The following PRDM15 variants were observed in gnomAD, a reference collection of about 807,000 sequenced individuals.
PRDM15 encodes PR domain zinc finger protein 15.
Under a neutral mutation model 128.6 loss-of-function variants are expected in PRDM15, and 64 were observed. The ratio of observed to expected loss-of-function variants is 0.50; its 90% CI spans 0.41 to 0.61. The LOEUF (loss-of-function observed/expected upper bound fraction) is 0.61. Ranked by LOEUF, PRDM15 falls within the 20% of genes least tolerant of loss-of-function variation. PRDM15 has a pLI of 0.00. For synonymous variants in PRDM15, 615 were observed against 621.8 expected (o/e 0.99, Z 0.16); for missense variants, 1,242 against 1,569.1 (o/e 0.79, Z 3.52).
intron 16 of PRDM15, among the ~76,000 whole-genome samples, chr21:41,820,831 C>T (rs567274446): frequency 6.6e-6 from 1 of 152,330 alleles, no homozygotes; most frequent in African/African-American, 2.4e-5. Context: ...CGCTATTTTC[C>T]TGTAACATGG....
At position 41,859,286 on chromosome 21, in the gene PRDM15, A is replaced by C. The variant is rs1310019552; in HGVS notation, c.131+306T>G. 2 of 1,519,014 alleles carry C rather than the reference A, an allele frequency of 1.3e-6. No homozygotes were observed. The highest frequency in any genetic ancestry group is 2.7e-5 in the African/African-American group (2 of 73,220). The allele number at this position is 1,519,014 out of a possible 1,614,324, so 94.1% of individuals were successfully genotyped here. A position where few individuals can be genotyped will look rare whatever the true frequency, so the allele number is the denominator to read the frequency against. Reference sequence around the variant, plus strand: ...TCCAGCTTGGCTGCTGGTGCTCAGCACGTCAACCACCTTGGCAAGTCCACT... The same window carrying C: ...TCCAGCTTGGCTGCTGGTGCTCAGCCCGTCAACCACCTTGGCAAGTCCACT... On this transcript the variant is annotated intron_variant, in intron 3 of 23. Coordinates refer to ENST00000398548, the MANE Select transcript of PRDM15 (RefSeq NM_001040424.3). This position sits in a 1 kb window ranked among gnomAD's most constrained non-coding sequence, Gnocchi z 5.3.
intron 21 of PRDM15, among the ~76,000 whole-genome samples, chr21:41,805,814 CACCATT>C (rs139024050): frequency 0.32 from 47,535 of 148,232 alleles, 7,165 homozygotes; most frequent in Admixed American, 0.34. Context: ...CCACCTCCAT[CACCATT>C]ACCAACACCA....
chr21:41,820,994 G>A, intron 16 of PRDM15, 73 bp downstream of exon 16: 2 of 1,579,350 alleles, frequency 1.3e-6, no homozygotes, highest in Non-Finnish European at 1.7e-6. Context: ...GCTCCTTATA[G>A]CATGTGTCTC....
chr21:41,818,467 C>T (rs556888468), intron 18 of PRDM15, among the ~76,000 whole-genome samples: 136 of 141,722 alleles, frequency 9.6e-4, no homozygotes, highest in Non-Finnish European at 1.8e-3. Flanking sequence ...TTTTTAATAA[C>T]CACCCATGTG....
Position 41,832,049 on chromosome 21 carries a change from G to A in PRDM15, c.1366+3388C>T, listed in dbSNP as rs1955358097. Reference sequence around the variant, plus strand: ...GGATCCACACGACCGCATGGTATGTGTCCTTCACACACTGCGTCTGAGGCG... The same window carrying A: ...GGATCCACACGACCGCATGGTATGTATCCTTCACACACTGCGTCTGAGGCG... On this transcript the variant is annotated intron_variant, in intron 11 of 23. Coordinates refer to ENST00000398548, the MANE Select transcript of PRDM15 (RefSeq NM_001040424.3). This position sits in a 1 kb window ranked among gnomAD's most constrained non-coding sequence, Gnocchi z 4.2. Among the ~76,000 whole-genome samples, 1 of 152,192 alleles carries A rather than the reference G, an allele frequency of 6.6e-6. No homozygotes were observed. Among genetic ancestry groups the A allele is most frequent in the African/African-American group, 2.4e-5 (1 of 41,450 alleles).
At chr21:41,808,058 T>C (rs1200356290) in intron 21 of PRDM15, among the ~76,000 whole-genome samples, 3 of 152,214 alleles carry the variant, frequency 2.0e-5, no homozygotes, top group Non-Finnish European at 2.9e-5. Context: ...CACCCAGCTA[T>C]GTATATCAAA....
Position 41,836,532 on chromosome 21 carries a change from C to T in PRDM15, c.1119G>A (p.Gln373=). ...KQLGEHKRVY[Q]CNICSKIFQN... ...GGAAGATCTTGCTGCAGATATTGCACTGGTAAACCCGCTTGTGCTCCCCGA... is the reference window on the plus strand; with the variant it reads ...GGAAGATCTTGCTGCAGATATTGCATTGGTAAACCCGCTTGTGCTCCCCGA... The change falls in exon 9 of 24, where the codon CAG becomes CAA. Residue 373 remains glutamine, a synonymous_variant. Transcript: ENST00000398548. 1.2e-6 allele frequency: 2 copies of T among 1,612,908 alleles called. No homozygotes were observed. The highest frequency in any genetic ancestry group is 8.5e-7 in the Non-Finnish European group (1 of 1,179,986).
At position 41,821,342 on chromosome 21, in the gene PRDM15, T is replaced by C. The variant is rs2062255919; in HGVS notation, c.1897-112A>G. The stretch of plus-strand genomic sequence containing the variant: ...GCACCCGACACGCCCTGAGAGCCCA[T>C]GACTCATGCCAGGGTGGAAGGGACT... On this transcript the variant is annotated intron_variant, in intron 15 of 23. Transcript: ENST00000398548. This position sits in a 1 kb window ranked among gnomAD's most constrained non-coding sequence, Gnocchi z 5.4. The C allele has an allele frequency of 2.4e-6, 3 of 1,267,978 alleles. No homozygotes were observed. The highest frequency in any genetic ancestry group is 1.5e-5 in the African/African-American group (1 of 67,888). 78.5% of individuals were successfully genotyped at this position (1,267,978 alleles called of 1,614,324 possible).
intron 1 of PRDM15, chr21:41,867,327 C>A (rs752626951): frequency 9.3e-6 from 15 of 1,613,712 alleles, no homozygotes; most frequent in Middle Eastern, 3.3e-4. Context: ...TTCCCCAGGG[C>A]TGGGGGCAGA....
In PRDM15 at chr21:41,835,516, G is replaced by A. The variant is rs141786600; in HGVS notation, c.1287C>T (p.Gly429=). ...SYKHSRNEVD[G]EYRYRCGTCE... is the part of the protein sequence containing the mutation. ...AAGTGCCGCAGCGGTACCTGTACTC[G>A]CCGTCCACCTGGTCAGAGGGACACG... The change falls in exon 11 of 24, where the codon GGC becomes GGT. Residue 429 remains glycine (G), a synonymous_variant. Coordinates refer to ENST00000398548, the MANE Select transcript of PRDM15 (RefSeq NM_001040424.3). 4.5e-5 allele frequency: 73 copies of A among 1,608,486 alleles called. No homozygotes were observed. In the East Asian group the frequency reaches 1.1e-3, roughly 25 times the overall value.
rs571251954 is a variant in PRDM15, at chr21:41,858,934, G to C, written c.131+658C>G. The stretch of plus-strand genomic sequence containing the variant: ...ACCTGTGCAGCGGCAGCACGTGCCA[G>C]GTACCATCACCCACAACACCACAAC... On this transcript the variant is annotated intron_variant, in intron 3 of 23. Coordinates refer to ENST00000398548, the MANE Select transcript of PRDM15 (RefSeq NM_001040424.3). The C allele has an allele frequency of 2.2e-5, 21 of 950,200 alleles. No homozygotes were observed. In the South Asian group the frequency reaches 3.4e-4, roughly 15 times the overall value. The allele number at this position is 950,200 out of a possible 1,614,324, so 58.9% of individuals were successfully genotyped here.
Position 41,819,701 on chromosome 21 carries a change from C to A in PRDM15, c.2141G>T (p.Gly714Val), listed in dbSNP as rs752309557. 6.3e-7 allele frequency: 1 copy of A among 1,598,170 alleles called. No homozygotes were observed. Among genetic ancestry groups the A allele is most frequent in the South Asian group, 1.1e-5 (1 of 89,366 alleles). ...NLERHKLIHT[G>V]VKSHACEQCG... Reference sequence around the variant, plus strand: ...CTGCTCGCAGGCGTGGCTCTTCACACCTGAGAACACAGGCATCTGCCACTC... The same window carrying A: ...CTGCTCGCAGGCGTGGCTCTTCACAACTGAGAACACAGGCATCTGCCACTC... The change falls in exon 18 of 24, where the codon GGT (glycine) becomes GTT (valine). Residue 714 changes from glycine to valine, a missense_variant and splice_region_variant. By Grantham distance (109) the Gly-to-Val change is moderately radical. Coordinates refer to ENST00000398548, the MANE Select transcript of PRDM15 (RefSeq NM_001040424.3).
rs1356346054 is a variant in PRDM15 at position 41,821,076 on chromosome 21, T to C, written c.2051A>G (p.Asn684Ser). The C allele has an allele frequency of 1.8e-5, 29 of 1,614,176 alleles. No individual in the cohort carries two copies. The highest frequency in any genetic ancestry group is 2.4e-5 in the Non-Finnish European group (28 of 1,180,028). ...CCCGACCAGGCCTCACTTCTGCACGTTGGGGTCCGGCAGGTTTTCACGGTG... is the reference window on the plus strand; with the variant it reads ...CCCGACCAGGCCTCACTTCTGCACGCTGGGGTCCGGCAGGTTTTCACGGTG... ...VIHRENLPDP[N>S]VQKYIHPCEI... The change falls in exon 16 of 24, where the codon AAC becomes AGC. Residue 684 changes from asparagine to serine, a missense_variant. Transcript: ENST00000398548. This position sits in a 1 kb window ranked among gnomAD's most constrained non-coding sequence, Gnocchi z 5.4.
chr21:41,876,613 C>T (rs1348830816), intron 1 of PRDM15, among the ~76,000 whole-genome samples: 1 of 152,200 alleles, frequency 6.6e-6, no homozygotes, highest in Non-Finnish European at 1.5e-5. Context: ...GAGGAGGGAC[C>T]TTTCCTTAGG....
chr21:41,861,950 G>A (rs1421198276), intron 1 of PRDM15: 9 of 1,613,826 alleles, frequency 5.6e-6, no homozygotes, highest in Admixed American at 3.3e-5. Context: ...TATCTCGTGC[G>A]GCTCTAGCAA....
At chr21:41,842,000 G>T (rs933788569) in intron 6 of PRDM15, among the ~76,000 whole-genome samples, 7 of 152,122 alleles carry the variant, frequency 4.6e-5, no homozygotes, top group African/African-American at 1.7e-4. Context: ...GCTTACATGA[G>T]AAAATAAAAC....
chr21:41,833,231 C>T (rs973900471), intron 11 of PRDM15, among the ~76,000 whole-genome samples: 1 of 152,216 alleles, frequency 6.6e-6, no homozygotes, highest in Admixed American at 6.5e-5. Flanking sequence ...TACACCAGCA[C>T]CTGGTCACAC....
In PRDM15 at chr21:41,806,347, C is replaced by T. The variant is rs887355695; in HGVS notation, c.2653-1733G>A. 4.2e-5 allele frequency among the ~76,000 whole-genome samples: 4 copies of T among 94,148 alleles called. 1 individual carries two copies. Among genetic ancestry groups the T allele is most frequent in the Non-Finnish European group, 9.4e-5 (4 of 42,634 alleles). 61.8% of individuals were successfully genotyped at this position (94,148 alleles called of 152,430 possible). On this transcript the variant is annotated intron_variant, in intron 21 of 23. Coordinates refer to ENST00000398548, the MANE Select transcript of PRDM15 (RefSeq NM_001040424.3). ...CCACCACCACCATCACCATCACCACCACCATCACCACCACCACCATCACTA... is the reference window on the plus strand; with the variant it reads ...CCACCACCACCATCACCATCACCACTACCATCACCACCACCACCATCACTA...
intron 14 of PRDM15, 141 bp from the exon 15 acceptor site, chr21:41,822,178 C>A: frequency 8.6e-7 from 1 of 1,165,076 alleles, no homozygotes; most frequent in Non-Finnish European, 1.2e-6. Context: ...TAACGAGCTA[C>A]ACTTGTGCCC....
Sources: allele counts gnomAD v4.1 joint callset (sites outside exome capture counted in the v4.1 genomes callset), GRCh38; gene constraint gnomAD v4.1.1; non-coding constraint Gnocchi (gnomAD v3.1); transcripts MANE v1.5; gene names NCBI Gene and HGNC (gene_info 2026-07-23, HGNC 2026-07-21).